Variants in BCAS1 observed in about 807,000 individuals in gnomAD.
BCAS1 encodes brain enriched myelin associated protein 1.
A neutral mutation model predicts 65.4 loss-of-function variants in BCAS1; 46 were observed. The observed-to-expected ratio is 0.70, with a 90% CI of 0.55 to 0.90. BCAS1 has a LOEUF of 0.90. Ranked by LOEUF, BCAS1 falls within the 40% of genes least tolerant of loss-of-function variation. BCAS1 has a pLI of 0.00. For missense variants in BCAS1, 793 were observed against 771.2 expected, an observed-to-expected ratio of 1.03 and a Z score of -0.33; for synonymous variants, 298 against 293.5, an observed-to-expected ratio of 1.02 and a Z score of -0.16.
intron 3 of BCAS1, among the ~76,000 whole-genome samples, chr20:54,039,206 A>G (rs1311488877): frequency 1.3e-5 from 2 of 151,504 alleles, no homozygotes; most frequent in South Asian, 4.2e-4. Context: ...CGTGGCAGAT[A>G]CTTATGACTT....
At chr20:53,999,217 T>C (rs1411422587) in intron 4 of BCAS1, among the ~76,000 whole-genome samples, 1 of 152,222 alleles carries the variant, frequency 6.6e-6, no homozygotes. Context: ...CCTTCATAAC[T>C]TAACTCTCCC....
At chr20:53,953,829 G>A (rs2089609810) in intron 11 of BCAS1, 134 bp from the exon 12 acceptor site, 3 of 1,089,374 alleles carry the variant, frequency 2.8e-6, no homozygotes, top group Non-Finnish European at 3.8e-6. Flanking sequence ...TAGGTGAAAT[G>A]AATATAAAAA....
At chr20:53,989,933 T>C (rs2090711862) in intron 7 of BCAS1, among the ~76,000 whole-genome samples, 1 of 152,238 alleles carries the variant, frequency 6.6e-6, no homozygotes, top group Non-Finnish European at 1.5e-5. Context: ...TTATTTCTTG[T>C]TTATCAAAAA....
chr20:53,949,485 T>A (rs1204899669), intron 12 of BCAS1, among the ~76,000 whole-genome samples: 1 of 152,196 alleles, frequency 6.6e-6, no homozygotes, highest in Non-Finnish European at 1.5e-5. Flanking sequence ...TCTCATTTCC[T>A]GTGGGTAACA....
chr20:54,068,243 G>T (rs867721941), intron 1 of BCAS1, among the ~76,000 whole-genome samples: 5 of 152,178 alleles, frequency 3.3e-5, no homozygotes, highest in Non-Finnish European at 4.4e-5. Context: ...TTTGCTTTCG[G>T]AGTACTTAAT....
Position 53,975,381 on chromosome 20 carries a change from T to A in BCAS1, c.1317+8A>T, listed in dbSNP as rs775310086. The A allele has an allele frequency of 5.0e-6, 8 of 1,610,778 alleles. No homozygotes were observed. Among genetic ancestry groups the A allele is most frequent in the Non-Finnish European group, 5.1e-6 (6 of 1,177,332 alleles). ...TGGAATGATTCTGCCGTGGTGTGTGTAACTTACATTCTCCTCCGCACCTGT... is the reference window on the plus strand; with the variant it reads ...TGGAATGATTCTGCCGTGGTGTGTGAAACTTACATTCTCCTCCGCACCTGT... On this transcript the variant is annotated splice_region_variant and intron_variant, in intron 9 of 12. Coordinates refer to ENST00000688948, the MANE Select transcript of BCAS1 (RefSeq NM_001366298.2).
At chr20:54,049,890 C>T (rs2146271553) in intron 3 of BCAS1, among the ~76,000 whole-genome samples, 1 of 152,316 alleles carries the variant, frequency 6.6e-6, no homozygotes, top group East Asian at 1.9e-4. Context: ...AAAACCTATG[C>T]TTGGGTCTGT....
At chr20:54,026,418 C>T (rs994626894) in intron 4 of BCAS1, among the ~76,000 whole-genome samples, 1 of 152,152 alleles carries the variant, frequency 6.6e-6, no homozygotes, top group African/African-American at 2.4e-5. Context: ...TTGAGTGTGT[C>T]GAGGTTTTAT....
rs758117005 is a variant in BCAS1 at position 53,957,435 on chromosome 20, G to A, written c.1548C>T (p.Cys516=). The change falls in exon 11 of 13, where the codon TGC becomes TGT. Residue 516 remains cysteine, a synonymous_variant. Transcript: ENST00000688948. ...AACTGAGTTCGAGGTCACTTACTTGGCAGCTGGAGTCTTTCCCATTTATTT... is the reference window on the plus strand; with the variant it reads ...AACTGAGTTCGAGGTCACTTACTTGACAGCTGGAGTCTTTCCCATTTATTT... The part of the protein sequence containing the change: ...SEEINGKDSS[C]QTSDSTEKTI... 1.9e-6 allele frequency: 3 copies of A among 1,613,716 alleles called. No individual in the cohort carries two copies. The highest frequency in any genetic ancestry group is 3.3e-5 in the Admixed American group (2 of 60,028).
At chr20:54,024,825 T>C (rs1224175103) in intron 4 of BCAS1, among the ~76,000 whole-genome samples, 1 of 152,124 alleles carries the variant, frequency 6.6e-6, no homozygotes, top group African/African-American at 2.4e-5. Flanking sequence ...AGGGTGATGG[T>C]AGGGAATTTG....
In BCAS1 at chr20:54,028,818, G is replaced by A; in HGVS notation, c.297C>T (p.Leu99=). Residue 99 remains leucine, a synonymous_variant, in exon 4 of 13, where the codon CTC becomes CTT. Coordinates refer to ENST00000688948, the MANE Select transcript of BCAS1 (RefSeq NM_001366298.2). ...CGGTACGTCCTGGTACAGGCCGAGA[G>A]AGCATCAAGAAAAAACGAGATTTAG... ...PAAKSRFFLM[L]SRPVPGRTGD... is the part of the protein sequence containing the mutation. 6.2e-7 allele frequency: 1 copy of A among 1,614,084 alleles called. No individual in the cohort carries two copies. The highest frequency in any genetic ancestry group is 1.1e-5 in the South Asian group (1 of 91,078).
At chr20:54,065,935 T>C (rs1288807795) in intron 1 of BCAS1, among the ~76,000 whole-genome samples, 2 of 152,192 alleles carry the variant, frequency 1.3e-5, no homozygotes, top group African/African-American at 4.8e-5. Context: ...GTATAAGCAG[T>C]AAATAAAATG....
intron 9 of BCAS1, among the ~76,000 whole-genome samples, chr20:53,975,138 A>G (rs1480614652): frequency 6.6e-6 from 1 of 152,226 alleles, no homozygotes; most frequent in Non-Finnish European, 1.5e-5. Flanking sequence ...TTCAGCCCCT[A>G]CTGATAACAA....
chr20:54,004,723 T>C (rs997047031), intron 4 of BCAS1, among the ~76,000 whole-genome samples: 1 of 152,160 alleles, frequency 6.6e-6, no homozygotes, highest in Non-Finnish European at 1.5e-5. Context: ...TCTGAAGTTA[T>C]GCTTTCACTG....
intron 10 of BCAS1, among the ~76,000 whole-genome samples, chr20:53,963,231 C>A (rs1253100245): frequency 6.6e-6 from 1 of 151,740 alleles, no homozygotes; most frequent in East Asian, 2.0e-4. Flanking sequence ...CCTATAATCC[C>A]AGCACTTTGG....
At chr20:53,945,125 C>T in intron 12 of BCAS1, 129 bp from the exon 13 acceptor site, 1 of 815,210 alleles carries the variant, frequency 1.2e-6, no homozygotes. Flanking sequence ...TTCCTCAGTG[C>T]TGGGTAAGAG....
intron 3 of BCAS1, among the ~76,000 whole-genome samples, chr20:54,043,695 G>C (rs1004298841): frequency 6.6e-6 from 1 of 152,166 alleles, no homozygotes; most frequent in African/African-American, 2.4e-5. Context: ...GGAACAGATA[G>C]CTGGGCCCCA....
chr20:53,992,563 G>C lies in BCAS1; in HGVS notation c.1011C>G (p.His337Gln). Reference sequence around the variant, plus strand: ...CGAGTCCTAGCCTGGGGCTATCCAGGTGCTTTTTCTTGGTGCCTCTAGCCT... The same window carrying C: ...CGAGTCCTAGCCTGGGGCTATCCAGCTGCTTTTTCTTGGTGCCTCTAGCCT... ...EIQARGTKKK[H>Q]LDSPRLGLAF... The change falls in exon 7 of 13, where the codon CAC becomes CAG. Residue 337 changes from histidine (H) to glutamine (Q), a missense_variant. Transcript: ENST00000688948. 7.3e-7 allele frequency: 1 copy of C among 1,365,262 alleles called. No homozygotes were observed. The highest frequency in any genetic ancestry group is 1.5e-5 in the African/African-American group (1 of 67,384). The allele number at this position is 1,365,262 out of a possible 1,614,324, so 84.6% of individuals were successfully genotyped here. A position where few individuals can be genotyped will look rare whatever the true frequency, so the allele number is the denominator to read the frequency against.
intron 10 of BCAS1, among the ~76,000 whole-genome samples, chr20:53,964,814 A>ATTTT (rs2089983716): frequency 6.9e-6 from 1 of 145,412 alleles, no homozygotes; most frequent in Non-Finnish European, 1.5e-5. Flanking sequence ...TTTTTTTTTC[A>ATTTT]TGCTTTCTTT....
Sources: allele counts gnomAD v4.1 joint callset (sites outside exome capture counted in the v4.1 genomes callset), GRCh38; gene constraint gnomAD v4.1.1; transcripts MANE v1.5; gene names NCBI Gene and HGNC (gene_info 2026-07-23, HGNC 2026-07-21).